NEU3: variants seen among roughly 807,000 people sequenced by gnomAD.
NEU3 encodes neuraminidase 3.
In NEU3, 10 loss-of-function variants were observed where a neutral mutation model predicts 11.4. The observed-to-expected ratio is 0.88, with a 90% CI of 0.54 to 1.49. The LOEUF (loss-of-function observed/expected upper bound fraction) is 1.49, where lower values mean the gene tolerates loss of function less well. Ranked by LOEUF, NEU3 falls within the 40% of genes most tolerant of loss-of-function variation. The pLI, the probability that NEU3 is intolerant of heterozygous loss-of-function variation, is 0.00. For missense variants in NEU3, 529 were observed against 581.8 expected, an observed-to-expected ratio of 0.91 and a Z score of 0.93; for synonymous variants, 212 against 228.2, an observed-to-expected ratio of 0.93 and a Z score of 0.64.
chr11:75,008,291 A>G lies in NEU3; in HGVS notation c.*1799A>G, dbSNP rs1948919646. The G allele has an allele frequency of 6.6e-6, 1 of 152,150 alleles. No individual in the cohort carries two copies. Among genetic ancestry groups the G allele is most frequent in the East Asian group, 1.9e-4 (1 of 5,192 alleles). The allele number at this position is 152,150 out of a possible 1,614,324, so 9.4% of individuals were successfully genotyped here. ...GGTGAAATAATGCACACTTTCCTCT[A>G]CTTCCTTATATGAGGCCCACTGTCA... On this transcript the variant is annotated 3_prime_UTR_variant, in exon 3 of 3. Transcript: ENST00000294064.
intron 3 of NEU3, among the ~76,000 whole-genome samples, chr11:75,017,213 G>A (rs1948984083): frequency 6.6e-6 from 1 of 152,208 alleles, no homozygotes; most frequent in African/African-American, 2.4e-5. Flanking sequence ...CAGTGCTTCA[G>A]GCATTCCAAA....
At chr11:74,990,235 C>T in intron 1 of NEU3, 1 of 488,000 alleles carries the variant, frequency 2.0e-6, no homozygotes, top group South Asian at 3.3e-5. Context: ...AGCAAGGAAT[C>T]CAAGACCTAG....
At chr11:74,994,445 A>C in intron 1 of NEU3, 64 bp from the exon 2 acceptor site, 1 of 1,325,618 alleles carries the variant, frequency 7.5e-7, no homozygotes, top group Non-Finnish European at 1.0e-6. Flanking sequence ...ATGATGAAGC[A>C]GAATTTATAT....
intron 2 of NEU3, 151 bp downstream of exon 2, chr11:74,994,871 G>T: frequency 1.3e-6 from 1 of 749,742 alleles, no homozygotes; most frequent in Non-Finnish European, 2.4e-6. Flanking sequence ...GGCTCTCACT[G>T]AGTGCTTATT....
chr11:75,010,041 G>A lies in NEU3; in HGVS notation c.*3549G>A, dbSNP rs1948941292. ...CCAGATTAGGCTTCTCACTCTTCTT[G>A]AGTAGGCCATAATCCACCTCTTCAG... On this transcript the variant is annotated 3_prime_UTR_variant, in exon 3 of 3. Coordinates refer to ENST00000294064, the MANE Select transcript of NEU3 (RefSeq NM_006656.6). The A allele has an allele frequency of 6.6e-6, 1 of 152,194 alleles. No individual in the cohort carries two copies. Among genetic ancestry groups the A allele is most frequent in the Non-Finnish European group, 1.5e-5 (1 of 68,058 alleles). 9.4% of individuals were successfully genotyped at this position (152,194 alleles called of 1,614,324 possible).
chr11:74,994,875 G>A, intron 2 of NEU3, 155 bp downstream of exon 2: 1 of 741,316 alleles, frequency 1.3e-6, no homozygotes, highest in South Asian at 1.5e-5. Context: ...CTCACTGAGT[G>A]CTTATTGTGT....
downstream of NEU3, among the ~76,000 whole-genome samples, chr11:75,015,044 G>T (rs938272479): frequency 6.6e-6 from 1 of 152,056 alleles, no homozygotes; most frequent in African/African-American, 2.4e-5. Context: ...TAATGTGTGC[G>T]CAATGTGTAT....
chr11:75,007,098 TCTC>T lies in NEU3; in HGVS notation c.*609_*611del, dbSNP rs2140252752. ...TGAGCAAAACAGAAGAATCATGAAG[TCTC>T]CTACCTTCTACAGCCTTGTAGTTCT... On this transcript the variant is annotated 3_prime_UTR_variant, in exon 3 of 3. Transcript: ENST00000294064. 6.6e-6 allele frequency: 1 copy of T among 152,404 alleles called. No individual in the cohort carries two copies. The highest frequency in any genetic ancestry group is 1.9e-4 in the East Asian group (1 of 5,180). 9.4% of individuals were successfully genotyped at this position (152,404 alleles called of 1,614,324 possible). A position where few individuals can be genotyped will look rare whatever the true frequency, so the allele number is the denominator to read the frequency against.
intron 2 of NEU3, among the ~76,000 whole-genome samples, chr11:74,997,179 C>A (rs547790015): frequency 6.6e-6 from 1 of 152,340 alleles, no homozygotes; most frequent in Non-Finnish European, 1.5e-5. Flanking sequence ...CAGGGAAAAT[C>A]TGTTGTTTGG....
chr11:74,994,614 C>G lies in NEU3; in HGVS notation c.200C>G (p.Pro67Arg), dbSNP rs368708044. The change falls in exon 2 of 3, where the codon CCC becomes CGC. Residue 67 changes from proline to arginine, a missense_variant. By Grantham distance (103) the Pro-to-Arg change is moderately radical. Coordinates refer to ENST00000294064, the MANE Select transcript of NEU3 (RefSeq NM_006656.6). ...YRIPALLYIPPTHTFLAFAEK... is the reference protein window; with the variant it reads ...YRIPALLYIPRTHTFLAFAEK... Reference sequence around the variant, plus strand: ...ATCCCAGCCCTGCTCTACATACCCCCCACCCACACCTTCCTGGCCTTTGCA... The same window carrying G: ...ATCCCAGCCCTGCTCTACATACCCCGCACCCACACCTTCCTGGCCTTTGCA... The G allele has an allele frequency of 5.2e-5, 84 of 1,613,952 alleles. No individual in the cohort carries two copies. The African/African-American group carries it at 1.1e-3, about 20-fold the overall frequency.
intron 3 of NEU3, among the ~76,000 whole-genome samples, chr11:75,016,398 C>T (rs558064204): frequency 2.0e-5 from 3 of 152,280 alleles, no homozygotes; most frequent in Admixed American, 6.5e-5. Flanking sequence ...CAAGAAGCTG[C>T]AGTGCCCTTC....
intron 1 of NEU3, chr11:74,990,203 G>A (rs1246613885): frequency 3.7e-6 from 2 of 545,736 alleles, no homozygotes; most frequent in Non-Finnish European, 6.5e-6. Flanking sequence ...GCTTAGGTAG[G>A]TATTATTATC....
At chr11:75,001,155 A>G (rs968825430) in intron 2 of NEU3, among the ~76,000 whole-genome samples, 2 of 152,120 alleles carry the variant, frequency 1.3e-5, no homozygotes, top group Non-Finnish European at 2.9e-5. Flanking sequence ...TAGCTGTCCA[A>G]ATAGTTGTCA....
At chr11:75,017,843 A>T (rs200871271) in intron 3 of NEU3, among the ~76,000 whole-genome samples, 2 of 152,110 alleles carry the variant, frequency 1.3e-5, no homozygotes, top group East Asian at 3.9e-4. Flanking sequence ...TTGGGGTAGG[A>T]ATTAGTAAAA....
chr11:74,981,648 T>C, the NEU3 span, among the ~76,000 whole-genome samples: 1 of 152,222 alleles, frequency 6.6e-6, no homozygotes, highest in African/African-American at 2.4e-5. Context: ...AGGAATCTCA[T>C]GTCTTCTGGC....
chr11:75,016,576 A>T lies in NEU3; in HGVS notation c.*2-2115A>T, dbSNP rs1032765954. Among the ~76,000 whole-genome samples the T allele has an allele frequency of 5.3e-5, 8 of 152,322 alleles. No individual in the cohort carries two copies. In the South Asian group the frequency reaches 1.2e-3, roughly 24 times the overall value. ...ACCATATTATTCCATCCCCTAGCAT[A>T]GTGGGACTTAAGTATTTGTTGAATG... On this transcript the variant is annotated intron_variant, in intron 3 of 3. Transcript: ENST00000529024.
intron 2 of NEU3, among the ~76,000 whole-genome samples, chr11:74,997,125 GA>G (rs1230708506): frequency 6.6e-6 from 1 of 152,296 alleles, no homozygotes; most frequent in East Asian, 1.9e-4. Flanking sequence ...CTCTAGCCAT[GA>G]AAGTCCTAGA....
downstream of NEU3, among the ~76,000 whole-genome samples, chr11:75,012,674 C>G (rs1246104976): frequency 6.6e-6 from 1 of 152,204 alleles, no homozygotes; most frequent in African/African-American, 2.4e-5. Flanking sequence ...TCATTTTGTT[C>G]CAGTCAGCCA....
At chr11:75,015,741 G>T (rs1447005170), downstream of NEU3, among the ~76,000 whole-genome samples, 1 of 152,194 alleles carries the variant, frequency 6.6e-6, no homozygotes, top group Non-Finnish European at 1.5e-5. Flanking sequence ...TACTACTACT[G>T]TTCCTATGGA....
Sources: gnomAD v4.1 joint callset for allele counts (sites outside exome capture counted in the v4.1 genomes callset) on GRCh38, gnomAD v4.1.1 for gene constraint, MANE v1.5 for transcripts, NCBI Gene and HGNC (gene_info 2026-07-23, HGNC 2026-07-21) for gene names.